The following HIBADH variants were observed in gnomAD, a reference collection of about 807,000 sequenced individuals.
HIBADH encodes the protein 3-hydroxyisobutyrate dehydrogenase, also known as 3-hydroxyisobutyrate dehydrogenase, mitochondrial.
A neutral mutation model predicts 36.1 loss-of-function variants in HIBADH; 25 were observed. The ratio of observed to expected loss-of-function variants is 0.69; its 90% CI spans 0.50 to 0.97. HIBADH has a LOEUF of 0.97. Among genes scored for constraint, HIBADH ranks in the 50% least tolerant of loss-of-function variants. The pLI, the probability that HIBADH is intolerant of heterozygous loss-of-function variation, is 0.00. For synonymous variants in HIBADH, 160 were observed against 149.5 expected, an observed-to-expected ratio of 1.07 and a Z score of -0.51; for missense variants, 421 against 418.0, an observed-to-expected ratio of 1.01 and a Z score of -0.06.
At chr7:27,623,625 A>C (rs1448374136) in intron 4 of HIBADH, among the ~76,000 whole-genome samples, 1 of 152,188 alleles carries the variant, frequency 6.6e-6, no homozygotes, top group Non-Finnish European at 1.5e-5. Context: ...GCCGAGAAGA[A>C]CATCAAGAAA....
At chr7:27,654,492 A>G (rs1386178306) in intron 1 of HIBADH, among the ~76,000 whole-genome samples, 2 of 152,188 alleles carry the variant, frequency 1.3e-5, no homozygotes, top group East Asian at 3.8e-4. Flanking sequence ...GTAGAAAGGG[A>G]AAAAGATAAG....
intron 1 of HIBADH, among the ~76,000 whole-genome samples, chr7:27,656,624 C>T (rs138052122): frequency 8.5e-5 from 13 of 152,236 alleles, no homozygotes; most frequent in Non-Finnish European, 1.5e-4. Flanking sequence ...TGGATACACA[C>T]GAAACAGTAC....
chr7:27,527,933 T>TTTTTTTTTTTTTTTTTTTTTTTTTTG (rs1783935258), intron 7 of HIBADH, among the ~76,000 whole-genome samples: 1 of 130,606 alleles, frequency 7.7e-6, no homozygotes, highest in Non-Finnish European at 1.6e-5. Flanking sequence ...TTTTTTTTTT[T>TTTTTTTTTTTTTTTTTTTTTTTTTTG]TTTTTTTTTA....
intron 6 of HIBADH, among the ~76,000 whole-genome samples, chr7:27,533,233 G>A (rs1414441417): frequency 6.6e-6 from 1 of 152,162 alleles, no homozygotes; most frequent in Non-Finnish European, 1.5e-5. Context: ...ACAAAATGGT[G>A]AGCAAAGCTA....
At chr7:27,590,422 C>G (rs1316426694) in intron 4 of HIBADH, among the ~76,000 whole-genome samples, 1 of 152,140 alleles carries the variant, frequency 6.6e-6, no homozygotes, top group African/African-American at 2.4e-5. Flanking sequence ...TCCTGCTTAT[C>G]CAAAACTGTC....
In HIBADH at chr7:27,538,322, A is replaced by T. The variant is rs1205087649; in HGVS notation, c.695+19T>A. 2 of 1,585,650 alleles carry T rather than the reference A, an allele frequency of 1.3e-6. No individual in the cohort carries two copies. The highest frequency in any genetic ancestry group is 1.7e-6 in the Non-Finnish European group (2 of 1,155,894). On this transcript the variant is annotated intron_variant, in intron 6 of 7. Coordinates refer to ENST00000265395, the MANE Select transcript of HIBADH (RefSeq NM_152740.4). The stretch of plus-strand genomic sequence containing the variant: ...AAGCCTATAAAAATGTTAGTATAAA[A>T]ACGTACTATTCAACAAACCTGATTC...
At chr7:27,540,985 C>T (rs1040429380) in intron 5 of HIBADH, among the ~76,000 whole-genome samples, 1 of 152,166 alleles carries the variant, frequency 6.6e-6, no homozygotes, top group African/African-American at 2.4e-5. Flanking sequence ...CACTTAAAGC[C>T]TCAGAAGTTA....
chr7:27,543,690 CAT>C (rs1282816990), intron 4 of HIBADH, among the ~76,000 whole-genome samples: 3 of 152,268 alleles, frequency 2.0e-5, no homozygotes, highest in South Asian at 2.1e-4. Context: ...TGATTATTCT[CAT>C]ATGTACTTTT....
chr7:27,658,863 T>C (rs1264704383), intron 1 of HIBADH, among the ~76,000 whole-genome samples: 2 of 152,316 alleles, frequency 1.3e-5, no homozygotes, highest in South Asian at 2.1e-4. Context: ...GTTACTAAAC[T>C]AAGGGTGACG....
At chr7:27,549,305 G>A (rs571696310) in intron 4 of HIBADH, among the ~76,000 whole-genome samples, 52 of 152,160 alleles carry the variant, frequency 3.4e-4, no homozygotes, top group Non-Finnish European at 6.9e-4. Context: ...GTGAGGTAAT[G>A]CATATGTTAA....
intron 4 of HIBADH, among the ~76,000 whole-genome samples, chr7:27,555,950 C>G (rs1784382788): frequency 6.6e-6 from 1 of 152,136 alleles, no homozygotes; most frequent in Admixed American, 6.5e-5. Context: ...CTTGCCCTTT[C>G]TCTTCAAGGG....
At chr7:27,647,502 T>C (rs1167712320) in intron 2 of HIBADH, among the ~76,000 whole-genome samples, 1 of 152,204 alleles carries the variant, frequency 6.6e-6, no homozygotes, top group African/African-American at 2.4e-5. Flanking sequence ...AGCACTTCTG[T>C]TGCAAAGATA....
chr7:27,529,512 C>G (rs954673229), intron 7 of HIBADH, among the ~76,000 whole-genome samples: 1 of 152,186 alleles, frequency 6.6e-6, no homozygotes, highest in Non-Finnish European at 1.5e-5. Context: ...AAAGTCACTG[C>G]AGACGTGGTG....
chr7:27,573,764 G>GA (rs1784663189), intron 4 of HIBADH, among the ~76,000 whole-genome samples: 2 of 152,150 alleles, frequency 1.3e-5, no homozygotes, highest in African/African-American at 4.8e-5. Context: ...TTCACATTCA[G>GA]ATGTGCTTTA....
At chr7:27,639,735 TA>T (rs144285858) in intron 2 of HIBADH, among the ~76,000 whole-genome samples, 15,938 of 151,770 alleles carry the variant, frequency 0.11, 996 homozygotes, top group Non-Finnish European at 0.14. Flanking sequence ...GTTTTTAAAT[TA>T]AAAAAAATAA....
At chr7:27,537,891 GCAGA>G (rs1784089868) in intron 6 of HIBADH, among the ~76,000 whole-genome samples, 1 of 152,016 alleles carries the variant, frequency 6.6e-6, no homozygotes, top group Non-Finnish European at 1.5e-5. Context: ...CACTTTTAGT[GCAGA>G]TTTGGGGGAC....
At chr7:27,603,651 A>G (rs1054380505) in intron 4 of HIBADH, among the ~76,000 whole-genome samples, 1 of 152,180 alleles carries the variant, frequency 6.6e-6, no homozygotes, top group Non-Finnish European at 1.5e-5. Context: ...ATATTTAAAA[A>G]GAATTAAATA....
At chr7:27,599,783 T>C (rs1366455024) in intron 4 of HIBADH, among the ~76,000 whole-genome samples, 2 of 152,024 alleles carry the variant, frequency 1.3e-5, no homozygotes, top group Non-Finnish European at 2.9e-5. Flanking sequence ...TTCAGTTTTT[T>C]TTTAAGGGAA....
chr7:27,612,255 A>G (rs1373680726), intron 4 of HIBADH, among the ~76,000 whole-genome samples: 1 of 152,178 alleles, frequency 6.6e-6, no homozygotes, highest in Non-Finnish European at 1.5e-5. Flanking sequence ...TTTCAAGTAC[A>G]AGATATTTTG....
Sources: allele counts gnomAD v4.1 joint callset (sites outside exome capture counted in the v4.1 genomes callset), GRCh38; gene constraint gnomAD v4.1.1; transcripts MANE v1.5; gene names NCBI Gene and HGNC (gene_info 2026-07-23, HGNC 2026-07-21).